SLC37A1: variants seen among roughly 807,000 people sequenced by gnomAD.
SLC37A1 encodes glucose-6-phosphate exchanger SLC37A1.
In SLC37A1, 49 loss-of-function variants were observed where a neutral mutation model predicts 75.3. The ratio of observed to expected loss-of-function variants is 0.65; its 90% confidence interval spans 0.52 to 0.83. The LOEUF (loss-of-function observed/expected upper bound fraction) is 0.83, where lower values mean the gene tolerates loss of function less well. Ranked by LOEUF, SLC37A1 falls within the 40% of genes least tolerant of loss-of-function variation. SLC37A1 has a pLI of 0.00. For missense variants in SLC37A1, 566 were observed against 695.0 expected (o/e 0.81, Z 2.09); for synonymous variants, 268 against 292.1 (o/e 0.92, Z 0.84).
chr21:42,528,281 T>C (rs1411100142), intron 3 of SLC37A1, among the ~76,000 whole-genome samples: 1 of 152,186 alleles, frequency 6.6e-6, no homozygotes, highest in Non-Finnish European at 1.5e-5. Flanking sequence ...GTCCCTTCTA[T>C]CTGCTGCTCC....
intron 3 of SLC37A1, among the ~76,000 whole-genome samples, chr21:42,533,741 G>A (rs12483006): frequency 0.15 from 22,390 of 152,142 alleles, 1,921 homozygotes; most frequent in Non-Finnish European, 0.2. Context: ...TCAGCGTCAC[G>A]GGTCCCAGTG....
chr21:42,561,666 T>C (rs372776627), intron 11 of SLC37A1: 1 of 174,912 alleles, frequency 5.7e-6, no homozygotes, highest in African/African-American at 2.4e-5. Context: ...TTGCATTGAC[T>C]CGACTCTGAT....
rs183903570 is a variant in SLC37A1, at chr21:42,515,883, C to T, written c.-179+1166C>T. Among the ~76,000 whole-genome samples the T allele has an allele frequency of 2.7e-3, 416 of 152,260 alleles. 1 individual carries two copies. The highest frequency in any genetic ancestry group is 9.0e-3 in the African/African-American group (373 of 41,546). On this transcript the variant is annotated intron_variant, in intron 1 of 19. Coordinates refer to ENST00000352133, the MANE Select transcript of SLC37A1 (RefSeq NM_001320537.2). ...AAGTGATTTTCATGCCTCAGCCACC[C>T]GAGTAGCTGGAATTACAGGTGTGCA...
intron 5 of SLC37A1, among the ~76,000 whole-genome samples, chr21:42,536,053 A>T (rs552493988): frequency 1.3e-5 from 2 of 152,332 alleles, no homozygotes; most frequent in South Asian, 4.1e-4. Context: ...AGCACAGCAG[A>T]GGCAGCCATG....
At chr21:42,506,153 T>A (rs778792303) in intron 2 of SLC37A1, among the ~76,000 whole-genome samples, 1 of 152,254 alleles carries the variant, frequency 6.6e-6, no homozygotes, top group South Asian at 2.1e-4. Context: ...CATTTCCATG[T>A]ACTCTTACAG....
chr21:42,558,177 A>G (rs1916009255), intron 10 of SLC37A1, among the ~76,000 whole-genome samples: 1 of 152,164 alleles, frequency 6.6e-6, no homozygotes, highest in South Asian at 2.1e-4. Flanking sequence ...CTGACTTGAA[A>G]TCCCACTCTA....
At chr21:42,543,720 C>A in intron 8 of SLC37A1, 118 bp downstream of exon 8, 2 of 1,022,902 alleles carry the variant, frequency 2.0e-6, no homozygotes, top group Non-Finnish European at 2.8e-6. Flanking sequence ...TTGCCCGTGG[C>A]TGCCTCAGCG....
At chr21:42,537,353 C>T (rs1283337563) in intron 5 of SLC37A1, among the ~76,000 whole-genome samples, 2 of 152,210 alleles carry the variant, frequency 1.3e-5, no homozygotes, top group East Asian at 3.8e-4. Flanking sequence ...AGACCTTCTC[C>T]ACTTTGAGGT....
chr21:42,507,812 A>T (rs1458441348), intron 2 of SLC37A1, among the ~76,000 whole-genome samples: 2 of 152,108 alleles, frequency 1.3e-5, no homozygotes, highest in African/African-American at 4.8e-5. Context: ...CTCACTTACT[A>T]CTGAGAGGAT....
In SLC37A1 at chr21:42,542,385, C is replaced by T. The variant is rs756126154; in HGVS notation, c.487-19C>T. The T allele has an allele frequency of 7.4e-6, 12 of 1,612,664 alleles. No homozygotes were observed. The East Asian group carries it at 2.7e-4, about 36-fold the overall frequency. Reference sequence around the variant, plus strand: ...GCCTGCTTCCCACAGGTCAGTCTCTCCTTTGGCCTCTCCTGCAGGTCATCA... The same window carrying T: ...GCCTGCTTCCCACAGGTCAGTCTCTTCTTTGGCCTCTCCTGCAGGTCATCA... On this transcript the variant is annotated intron_variant, in intron 6 of 19. Coordinates refer to ENST00000352133, the MANE Select transcript of SLC37A1 (RefSeq NM_001320537.2).
chr21:42,539,480 T>C (rs764110164), intron 5 of SLC37A1, 32 bp from the exon 6 acceptor site: 71 of 1,590,408 alleles, frequency 4.5e-5, no homozygotes, highest in Non-Finnish European at 5.7e-5. Context: ...GTGTTTGTTA[T>C]TCCTATTTGT....
intron 1 of SLC37A1, among the ~76,000 whole-genome samples, chr21:42,517,006 C>T (rs975349277): frequency 7.9e-5 from 12 of 152,166 alleles, no homozygotes; most frequent in Non-Finnish European, 1.6e-4. Flanking sequence ...TGTGGCTGTT[C>T]ATTCAACGTG....
intron 17 of SLC37A1, among the ~76,000 whole-genome samples, chr21:42,569,271 G>A (rs2056060616): frequency 6.6e-6 from 1 of 152,204 alleles, no homozygotes; most frequent in Non-Finnish European, 1.5e-5. Context: ...CGTGCAGGGA[G>A]CTGATGTTGT....
At position 42,545,282 on chromosome 21, in the gene SLC37A1, G is replaced by A. The variant is rs907583508; in HGVS notation, c.730+1680G>A. 2.0e-4 allele frequency among the ~76,000 whole-genome samples: 31 copies of A among 152,182 alleles called. No individual in the cohort carries two copies. The highest frequency in any genetic ancestry group is 7.5e-4 in the African/African-American group (31 of 41,432). The stretch of plus-strand genomic sequence containing the variant: ...TCTTTCTGACACTCTTTCCCCTTGT[G>A]CCTGGGAGGTGCACTGTGTCTGAAT... On this transcript the variant is annotated intron_variant, in intron 8 of 19. Transcript: ENST00000352133. The surrounding 1 kb of genome is among the most constrained non-coding windows in gnomAD (Gnocchi z 4.0).
chr21:42,565,165 C>G (rs1416233435), intron 14 of SLC37A1, among the ~76,000 whole-genome samples: 1 of 152,270 alleles, frequency 6.6e-6, no homozygotes, highest in Non-Finnish European at 1.5e-5. Flanking sequence ...TCAGGCATTT[C>G]GTAGCTCCTG....
At chr21:42,559,165 T>G in intron 11 of SLC37A1, 76 bp downstream of exon 11, 1 of 1,538,078 alleles carries the variant, frequency 6.5e-7, no homozygotes. Flanking sequence ...GGTTGATGAT[T>G]AAGCTTAAAA....
chr21:42,580,442 G>A lies in SLC37A1; in HGVS notation c.*82G>A. 4.0e-6 allele frequency: 6 copies of A among 1,491,640 alleles called. No individual in the cohort carries two copies. Among genetic ancestry groups the A allele is most frequent in the South Asian group, 1.3e-5 (1 of 79,694 alleles). 92.4% of individuals were successfully genotyped at this position (1,491,640 alleles called of 1,614,324 possible). On this transcript the variant is annotated 3_prime_UTR_variant, in exon 20 of 20. Coordinates refer to ENST00000352133, the MANE Select transcript of SLC37A1 (RefSeq NM_001320537.2). ...AAGGACAGTTCAGACAAAGGGCCCTGCATGGAAAGAGTGACCTCCCTTTGC... is the reference window on the plus strand; with the variant it reads ...AAGGACAGTTCAGACAAAGGGCCCTACATGGAAAGAGTGACCTCCCTTTGC...
intron 9 of SLC37A1, among the ~76,000 whole-genome samples, chr21:42,553,150 A>G (rs184037861): frequency 6.6e-6 from 1 of 152,302 alleles, no homozygotes; most frequent in East Asian, 1.9e-4. Context: ...TGGAGGCCCC[A>G]TAGATCTCTA....
At position 42,547,125 on chromosome 21, in the gene SLC37A1, C is replaced by G. The variant is rs1264282667; in HGVS notation, c.753C>G (p.Ser251=). ...CAGATCCGAACGACGTCAGGTGCTCCTCCACCCTGGTGACGGTAAGGACCC... is the reference window on the plus strand; with the variant it reads ...CAGATCCGAACGACGTCAGGTGCTCGTCCACCCTGGTGACGGTAAGGACCC... The part of the protein sequence containing the change: ...LIEHPNDVRC[S]STLVTHSKGY... Residue 251 remains serine, a synonymous_variant, in exon 9 of 20, where the codon TCC becomes TCG. Coordinates refer to ENST00000352133, the MANE Select transcript of SLC37A1 (RefSeq NM_001320537.2). The surrounding 1 kb of genome is among the most constrained non-coding windows in gnomAD (Gnocchi z 6.1). 5 of 1,614,082 alleles carry G rather than the reference C, an allele frequency of 3.1e-6. No individual in the cohort carries two copies. The highest frequency in any genetic ancestry group is 4.2e-6 in the Non-Finnish European group (5 of 1,180,040).
Sources: allele counts gnomAD v4.1 joint callset (sites outside exome capture counted in the v4.1 genomes callset), GRCh38; gene constraint gnomAD v4.1.1; non-coding constraint Gnocchi (gnomAD v3.1); transcripts MANE v1.5; gene names NCBI Gene and HGNC (gene_info 2026-07-23, HGNC 2026-07-21).